The following AGPAT5 variants were observed in gnomAD, a reference collection of about 807,000 sequenced individuals.
AGPAT5 encodes the protein 1-acylglycerol-3-phosphate O-acyltransferase 5.
A neutral mutation model predicts 45.6 loss-of-function variants in AGPAT5; 46 were observed. The observed-to-expected ratio is 1.01, with a 90% confidence interval of 0.80 to 1.29. The LOEUF (loss-of-function observed/expected upper bound fraction) is 1.29, where lower values mean the gene tolerates loss of function less well. AGPAT5 is among the 50% of genes most tolerant of loss of function. The probability of loss-of-function intolerance (pLI) is 0.00; values close to 1 mark genes in which losing one functional copy is unlikely to be tolerated. For missense variants in AGPAT5, 673 were observed against 450.7 expected, an observed-to-expected ratio of 1.49 and a Z score of -4.47; for synonymous variants, 272 against 167.0, an observed-to-expected ratio of 1.63 and a Z score of -4.85.
At chr8:6,754,639 A>G (rs117193572) in intron 6 of AGPAT5, among the ~76,000 whole-genome samples, 4 of 152,288 alleles carry the variant, frequency 2.6e-5, no homozygotes, top group Non-Finnish European at 5.9e-5. Context: ...AGCAGTCACC[A>G]TGGTGACAGG....
At position 6,711,697 on chromosome 8, in the gene AGPAT5, G is replaced by C. The variant is rs570019451; in HGVS notation, c.219+2810G>C. 2.0e-5 allele frequency among the ~76,000 whole-genome samples: 3 copies of C among 152,264 alleles called. No individual in the cohort carries two copies. In the South Asian group the frequency reaches 6.2e-4, roughly 32 times the overall value. Reference sequence around the variant, plus strand: ...TGGAGGCCAGCACTTTGAAATCAAGGTGTAGGCTCAATTTTACTCCCTCTG... The same window carrying C: ...TGGAGGCCAGCACTTTGAAATCAAGCTGTAGGCTCAATTTTACTCCCTCTG... On this transcript the variant is annotated intron_variant, in intron 1 of 7. Transcript: ENST00000285518.
chr8:6,756,193 T>G (rs2116970333), intron 7 of AGPAT5, among the ~76,000 whole-genome samples: 1 of 152,316 alleles, frequency 6.6e-6, no homozygotes, highest in South Asian at 2.1e-4. Flanking sequence ...ATGAGTTAAC[T>G]ATGCTGTTTT....
intron 1 of AGPAT5, among the ~76,000 whole-genome samples, chr8:6,716,424 G>T (rs1404038635): frequency 6.6e-6 from 1 of 152,116 alleles, no homozygotes; most frequent in Admixed American, 6.5e-5. Flanking sequence ...TACTGGGCAT[G>T]GTGGTGTGTG....
At chr8:6,719,025 C>T (rs1728477527) in intron 1 of AGPAT5, among the ~76,000 whole-genome samples, 1 of 152,134 alleles carries the variant, frequency 6.6e-6, no homozygotes, top group Non-Finnish European at 1.5e-5. Context: ...GAATGAGTAC[C>T]TTTCCATGGT....
intron 3 of AGPAT5, 90 bp from the exon 4 acceptor site, chr8:6,732,471 A>G: frequency 2.3e-6 from 2 of 871,306 alleles, no homozygotes; most frequent in Non-Finnish European, 3.4e-6. Flanking sequence ...TTCATTCTGT[A>G]CTTTTTGCAA....
chr8:6,710,588 T>G (rs1470018267), intron 1 of AGPAT5, among the ~76,000 whole-genome samples: 1 of 152,224 alleles, frequency 6.6e-6, no homozygotes, highest in Non-Finnish European at 1.5e-5. Context: ...TGTTCCTGCA[T>G]TTTTATTTTT....
chr8:6,742,051 A>G (rs957574067), intron 5 of AGPAT5, among the ~76,000 whole-genome samples: 4 of 152,206 alleles, frequency 2.6e-5, no homozygotes, highest in African/African-American at 9.6e-5. Flanking sequence ...AGCTTTTTCT[A>G]CAGTGTATGG....
chr8:6,715,309 T>C (rs1800285207), intron 1 of AGPAT5, among the ~76,000 whole-genome samples: 2 of 152,140 alleles, frequency 1.3e-5, no homozygotes, highest in Admixed American at 1.3e-4. Flanking sequence ...GCTTGGAAGG[T>C]AATGTAGTCA....
intron 4 of AGPAT5, among the ~76,000 whole-genome samples, chr8:6,733,147 G>A (rs2116904367): frequency 6.6e-6 from 1 of 152,312 alleles, no homozygotes; most frequent in Admixed American, 6.5e-5. Context: ...ACAAAAGTGG[G>A]GAGAGTTCAA....
In AGPAT5 at chr8:6,760,724, G is replaced by A. The variant is rs969680378; in HGVS notation, c.*3336G>A. On this transcript the variant is annotated 3_prime_UTR_variant, in exon 8 of 8. Transcript: ENST00000285518. ...CTCCTTTTGGGCCAGTTTTCATTAC[G>A]AGTAACTCACACTTTTTGATTAAAG... is the stretch of plus-strand genomic sequence containing the variant. 2.6e-5 allele frequency among the ~76,000 whole-genome samples: 4 copies of A among 152,090 alleles called. No homozygotes were observed. Among genetic ancestry groups the A allele is most frequent in the African/African-American group, 7.2e-5 (3 of 41,404 alleles).
chr8:6,744,107 G>T (rs904259170), intron 5 of AGPAT5, among the ~76,000 whole-genome samples: 1 of 151,844 alleles, frequency 6.6e-6, no homozygotes, highest in East Asian at 1.9e-4. Context: ...TTATAATATA[G>T]GATATTAATA....
rs563361399 is a variant in AGPAT5, at chr8:6,742,399, T to C, written c.586+648T>C. On this transcript the variant is annotated intron_variant, in intron 5 of 7. Coordinates refer to ENST00000285518, the MANE Select transcript of AGPAT5 (RefSeq NM_018361.5). ...CAATAAGCTATGCAATTTAACCAAA[T>C]TGGGAAGTATACAGAAAACAGTGGC... Among the ~76,000 whole-genome samples the C allele has an allele frequency of 2.4e-4, 37 of 152,326 alleles. No homozygotes were observed. In the South Asian group the frequency reaches 7.7e-3, roughly 32 times the overall value.
At chr8:6,731,844 A>C (rs1030017456) in intron 3 of AGPAT5, among the ~76,000 whole-genome samples, 3 of 152,012 alleles carry the variant, frequency 2.0e-5, no homozygotes, top group South Asian at 2.1e-4. Flanking sequence ...GTTTCTCCCA[A>C]GGCCTCTCTC....
At chr8:6,741,018 C>T (rs1044494927) in intron 4 of AGPAT5, among the ~76,000 whole-genome samples, 12 of 152,174 alleles carry the variant, frequency 7.9e-5, no homozygotes, top group African/African-American at 2.9e-4. Flanking sequence ...AGCAGATAAG[C>T]GTAAAAACTT....
chr8:6,708,698 C>G lies in AGPAT5; in HGVS notation c.30C>G (p.Tyr10Ter), dbSNP rs774751887. 1 of 1,604,354 alleles carries G rather than the reference C, an allele frequency of 6.2e-7. No individual in the cohort carries two copies. Among genetic ancestry groups the G allele is most frequent in the Non-Finnish European group, 8.5e-7 (1 of 1,179,444 alleles). Residue 10 changes from tyrosine to a stop codon, truncating the protein, a stop_gained, in exon 1 of 8, where the codon TAC (tyrosine) becomes TAG (stop). Transcript: ENST00000285518. LOFTEE classifies it high-confidence loss of function. Reference sequence around the variant, plus strand: ...TGCTGTCCCTGGTGCTCCACACGTACTCCATGCGCTACCTGCTGCCCAGCG... The same window carrying G: ...TGCTGTCCCTGGTGCTCCACACGTAGTCCATGCGCTACCTGCTGCCCAGCG... MLLSLVLHT[Y>*]SMRYLLPSVV...
chr8:6,725,786 C>G (rs1439123919), intron 2 of AGPAT5, among the ~76,000 whole-genome samples: 1 of 152,114 alleles, frequency 6.6e-6, no homozygotes, highest in Non-Finnish European at 1.5e-5. Flanking sequence ...CTGGAAACAG[C>G]CTGATCAATA....
At chr8:6,719,217 C>G (rs900899641) in intron 1 of AGPAT5, among the ~76,000 whole-genome samples, 4 of 152,158 alleles carry the variant, frequency 2.6e-5, no homozygotes, top group Non-Finnish European at 5.9e-5. Flanking sequence ...CCACTTCCAA[C>G]TAGAAAGAAT....
intron 1 of AGPAT5, among the ~76,000 whole-genome samples, chr8:6,718,759 C>T (rs1461822393): frequency 6.6e-6 from 1 of 152,188 alleles, no homozygotes; most frequent in East Asian, 1.9e-4. Context: ...AGAGTACAGT[C>T]AGTCAGAGAA....
Position 6,730,736 on chromosome 8 carries a change from G to C in AGPAT5, c.315G>C (p.Leu105Phe). The stretch of plus-strand genomic sequence containing the variant: ...TTGACTGGATTGTTGCTGACATCTT[G>C]GCCATCAGGCAGAATGCGCTAGGAC... ...STVDWIVADI[L>F]AIRQNALGHV... The change falls in exon 3 of 8, where the codon TTG (leucine) becomes TTC (phenylalanine). Residue 105 changes from leucine (L) to phenylalanine (F), a missense_variant. By Grantham distance (22) the Leu-to-Phe change is conservative. Transcript: ENST00000285518. 2 of 1,613,236 alleles carry C rather than the reference G, an allele frequency of 1.2e-6. No homozygotes were observed. The highest frequency in any genetic ancestry group is 1.7e-6 in the Non-Finnish European group (2 of 1,179,418).
Sources: gnomAD v4.1 joint callset for allele counts (sites outside exome capture counted in the v4.1 genomes callset) on GRCh38, gnomAD v4.1.1 for gene constraint, MANE v1.5 for transcripts, NCBI Gene and HGNC (gene_info 2026-07-23, HGNC 2026-07-21) for gene names.